Variants in C3orf20 observed in about 807,000 individuals in gnomAD.
C3orf20 encodes family with sequence similarity 149 member C.
In C3orf20, 76 loss-of-function variants were observed where a neutral mutation model predicts 88.3. The observed-to-expected ratio is 0.86, with a 90% CI of 0.72 to 1.04. C3orf20 has a LOEUF of 1.04. C3orf20 is among the 50% of genes least tolerant of loss of function. The pLI is 0.00. For missense variants in C3orf20, 1,056 were observed against 1,123.3 expected (o/e 0.94, Z 0.86); for synonymous variants, 436 against 437.4 (o/e 1.00, Z 0.04).
chr3:14,714,877 G>T (rs1171854572), intron 8 of C3orf20, among the ~76,000 whole-genome samples: 1 of 152,230 alleles, frequency 6.6e-6, no homozygotes, highest in Non-Finnish European at 1.5e-5. Flanking sequence ...AAAGTGCTGG[G>T]ATTACAGGCA....
chr3:14,709,383 C>G (rs563557186), intron 7 of C3orf20, among the ~76,000 whole-genome samples: 5 of 152,122 alleles, frequency 3.3e-5, no homozygotes, highest in African/African-American at 9.6e-5. Flanking sequence ...TTTGCTGTGG[C>G]CAGAACTTTC....
intron 5 of C3orf20, among the ~76,000 whole-genome samples, chr3:14,692,053 T>C (rs2032759834): frequency 6.6e-6 from 1 of 152,218 alleles, no homozygotes; most frequent in African/African-American, 2.4e-5. Flanking sequence ...TTCATTCATG[T>C]TGTTGCAAAT....
chr3:14,738,826 T>G (rs2034813884), intron 12 of C3orf20, among the ~76,000 whole-genome samples: 1 of 147,180 alleles, frequency 6.8e-6, no homozygotes, highest in South Asian at 2.2e-4. Context: ...TTTTTTTTTT[T>G]TTTTTTTTTA....
chr3:14,694,433 G>A (rs1218478543), intron 5 of C3orf20, among the ~76,000 whole-genome samples: 1 of 152,026 alleles, frequency 6.6e-6, no homozygotes, highest in African/African-American at 2.4e-5. Context: ...TATGTGTCTA[G>A]GAATTTATCC....
chr3:14,677,510 G>GT (rs904835851), intron 1 of C3orf20, among the ~76,000 whole-genome samples: 3 of 151,646 alleles, frequency 2.0e-5, no homozygotes, highest in Non-Finnish European at 4.4e-5. Flanking sequence ...TTTTGTTTTT[G>GT]TTTTTTTAGA....
intron 4 of C3orf20, among the ~76,000 whole-genome samples, chr3:14,685,254 T>C (rs1408702557): frequency 2.0e-5 from 3 of 152,094 alleles, no homozygotes; most frequent in African/African-American, 7.2e-5. Flanking sequence ...CTTTTCAAAG[T>C]TTAAAAGCAT....
chr3:14,682,051 C>A (rs980056107), intron 1 of C3orf20, 119 bp from the exon 2 acceptor site: 3 of 152,118 alleles, frequency 2.0e-5, no homozygotes, highest in African/African-American at 7.2e-5. Context: ...TCATTTTTTT[C>A]TTATAAGATG....
At chr3:14,742,030 T>C (rs1393540977) in intron 12 of C3orf20, among the ~76,000 whole-genome samples, 2 of 152,230 alleles carry the variant, frequency 1.3e-5, no homozygotes, top group East Asian at 1.9e-4. Flanking sequence ...CTTTAGCTAA[T>C]CCTCAGTTTG....
chr3:14,698,688 G>A (rs955022956), intron 5 of C3orf20, among the ~76,000 whole-genome samples: 2 of 152,262 alleles, frequency 1.3e-5, no homozygotes, highest in South Asian at 2.1e-4. Context: ...TACCCCTGTG[G>A]CCACCACCAC....
intron 12 of C3orf20, among the ~76,000 whole-genome samples, chr3:14,742,251 AG>A (rs1156921636): frequency 2.6e-5 from 4 of 152,228 alleles, no homozygotes; most frequent in Non-Finnish European, 5.9e-5. Flanking sequence ...AAATTTACGG[AG>A]GACTTTTAGA....
At chr3:14,692,759 G>A (rs2032796296) in intron 5 of C3orf20, among the ~76,000 whole-genome samples, 1 of 152,030 alleles carries the variant, frequency 6.6e-6, no homozygotes, top group Non-Finnish European at 1.5e-5. Context: ...GTCCATTTTT[G>A]TTTTGGTTGC....
At chr3:14,684,797 G>C (rs535419471) in intron 4 of C3orf20, among the ~76,000 whole-genome samples, 19 of 152,198 alleles carry the variant, frequency 1.2e-4, no homozygotes, top group Non-Finnish European at 2.2e-4. Flanking sequence ...TGCTCACCTG[G>C]TCATGGCCTA....
intron 5 of C3orf20, among the ~76,000 whole-genome samples, chr3:14,698,810 A>G (rs2033123007): frequency 6.6e-6 from 1 of 152,212 alleles, no homozygotes; most frequent in Non-Finnish European, 1.5e-5. Flanking sequence ...CTAGGGATCT[A>G]CAATCAGCAG....
At chr3:14,755,889 C>T (rs1220812327) in intron 12 of C3orf20, among the ~76,000 whole-genome samples, 2 of 151,694 alleles carry the variant, frequency 1.3e-5, no homozygotes, top group African/African-American at 2.4e-5. Context: ...CTTAGCCAGG[C>T]GTGGTGGTGG....
At chr3:14,733,224 A>G (rs796242023) in intron 12 of C3orf20, among the ~76,000 whole-genome samples, 2 of 152,290 alleles carry the variant, frequency 1.3e-5, no homozygotes, top group African/African-American at 4.8e-5. Flanking sequence ...TGAGACAAGC[A>G]TACAATTTTC....
chr3:14,714,252 G>A (rs2033862787), intron 8 of C3orf20, 93 bp downstream of exon 8: 3 of 1,399,712 alleles, frequency 2.1e-6, no homozygotes, highest in Admixed American at 3.9e-5. Flanking sequence ...CCTGGTTAAA[G>A]AAGAAGCCAG....
chr3:14,703,705 GT>G (rs1224572565), intron 6 of C3orf20, among the ~76,000 whole-genome samples: 9 of 152,198 alleles, frequency 5.9e-5, no homozygotes, highest in African/African-American at 2.2e-4. Context: ...TTTGTGCACT[GT>G]TTGTTTCTTA....
chr3:14,683,704 T>C (rs998758142), intron 3 of C3orf20, among the ~76,000 whole-genome samples: 1 of 151,740 alleles, frequency 6.6e-6, no homozygotes, highest in Non-Finnish European at 1.5e-5. Context: ...GGTGAAACCC[T>C]GACTCTACTA....
intron 9 of C3orf20, among the ~76,000 whole-genome samples, chr3:14,717,643 A>G (rs2033989077): frequency 6.6e-6 from 1 of 152,126 alleles, no homozygotes; most frequent in Non-Finnish European, 1.5e-5. Context: ...GTTTTTGCCC[A>G]GATGTTTACT....
Sources: gnomAD v4.1 joint callset for allele counts (sites outside exome capture counted in the v4.1 genomes callset) on GRCh38, gnomAD v4.1.1 for gene constraint, MANE v1.5 for transcripts, NCBI Gene and HGNC (gene_info 2026-07-23, HGNC 2026-07-21) for gene names.